DOCK7: variants seen among roughly 807,000 people sequenced by gnomAD.
The protein encoded by DOCK7 is dedicator of cytokinesis protein 7.
DOCK7 carries 138 observed loss-of-function variants against 271.0 expected under a neutral mutation model. That is an observed-to-expected ratio of 0.51 (90% CI 0.44 to 0.59). The LOEUF (loss-of-function observed/expected upper bound fraction) is 0.59. Ranked by LOEUF, DOCK7 falls within the 20% of genes least tolerant of loss-of-function variation. The pLI, the probability that DOCK7 is intolerant of heterozygous loss-of-function variation, is 0.00. For missense variants in DOCK7, 2,066 were observed against 2,592.4 expected (o/e 0.80, Z 4.41); for synonymous variants, 823 against 876.1 (o/e 0.94, Z 1.07).
At position 62,583,232 on chromosome 1, in the gene DOCK7, C is replaced by T; in HGVS notation, c.1823G>A (p.Cys608Tyr). The change falls in exon 16 of 50, where the codon TGT becomes TAT. Residue 608 changes from cysteine to tyrosine, a missense_variant. Around this residue, in one of 2 missense-constraint regions of DOCK7, gnomAD observed 1,414 missense variants for 1,670.4 expected, o/e 0.85. Coordinates refer to ENST00000635253, the MANE Select transcript of DOCK7 (RefSeq NM_001367561.1). ...ATAGGCTTCCTTTGAAAATTCTGAA[C>T]AGCTAGATTTACCAAAGATTACCTG... is the stretch of plus-strand genomic sequence containing the variant. Reference protein sequence around the residue: ...AMPVIFGKSSCSEFSKEAYTA... With the variant: ...AMPVIFGKSSYSEFSKEAYTA... 5 of 1,613,128 alleles carry T rather than the reference C, an allele frequency of 3.1e-6. No individual in the cohort carries two copies. The highest frequency in any genetic ancestry group is 4.2e-6 in the Non-Finnish European group (5 of 1,179,460).
intron 48 of DOCK7, among the ~76,000 whole-genome samples, chr1:62,466,840 G>C (rs1246658251): frequency 6.6e-6 from 1 of 151,986 alleles, no homozygotes; most frequent in Non-Finnish European, 1.5e-5. Context: ...AGAATCACTT[G>C]AACCCGGGAG....
chr1:62,598,017 A>G (rs72649574), intron 14 of DOCK7: 489 of 1,576,014 alleles, frequency 3.1e-4, no homozygotes, highest in Non-Finnish European at 3.0e-4. Flanking sequence ...CTTAATTCAA[A>G]ATCAACCTGA....
At chr1:62,581,392 A>C (rs1418597988) in intron 16 of DOCK7, among the ~76,000 whole-genome samples, 2 of 152,220 alleles carry the variant, frequency 1.3e-5, no homozygotes, top group Non-Finnish European at 2.9e-5. Flanking sequence ...ATTTTGCGCC[A>C]GAGTAACTGG....
chr1:62,523,744 A>G (rs908852545), intron 31 of DOCK7, among the ~76,000 whole-genome samples: 1 of 151,954 alleles, frequency 6.6e-6, no homozygotes, highest in African/African-American at 2.4e-5. Context: ...GCGGGTGCCT[A>G]TAGTCCCAGC....
chr1:62,624,061 T>A (rs982223801), intron 12 of DOCK7, among the ~76,000 whole-genome samples: 3 of 152,206 alleles, frequency 2.0e-5, no homozygotes, highest in African/African-American at 7.2e-5. Context: ...AAACATGTAC[T>A]ACTCCAGTTT....
chr1:62,534,224 TCCTGA>T (rs1359262205), intron 29 of DOCK7, among the ~76,000 whole-genome samples: 5 of 152,080 alleles, frequency 3.3e-5, no homozygotes, highest in Admixed American at 6.6e-5. Flanking sequence ...GGTCTCGAAC[TCCTGA>T]CCTCAAGTGA....
chr1:62,561,903 G>A (rs1355367605), intron 18 of DOCK7, among the ~76,000 whole-genome samples, 200 bp from the exon 19 acceptor site: 1 of 151,714 alleles, frequency 6.6e-6, no homozygotes, highest in Non-Finnish European at 1.5e-5. Context: ...AAAGTCTCCA[G>A]GAGCAACAAG....
intron 31 of DOCK7, among the ~76,000 whole-genome samples, chr1:62,524,953 A>ATATG (rs1325570197): frequency 1.7e-5 from 2 of 119,418 alleles, no homozygotes; most frequent in Admixed American, 1.8e-4. Context: ...ATATATATAT[A>ATATG]TATTACTATA....
chr1:62,533,312 T>A (rs895356302), intron 29 of DOCK7, among the ~76,000 whole-genome samples: 8 of 152,222 alleles, frequency 5.3e-5, no homozygotes, highest in African/African-American at 1.9e-4. Flanking sequence ...CAGGTTCACA[T>A]ACCAAGTAAA....
At chr1:62,598,730 A>G (rs1649663588) in intron 14 of DOCK7, 1 of 1,611,188 alleles carries the variant, frequency 6.2e-7, no homozygotes, top group Admixed American at 1.7e-5. Flanking sequence ...AGCATCAAAG[A>G]CCTTCTCCAG....
At position 62,603,967 on chromosome 1, in the gene DOCK7, A is replaced by G. The variant is rs780152435; in HGVS notation, c.1682+14739T>C. 1.9e-6 allele frequency: 3 copies of G among 1,612,410 alleles called. No individual in the cohort carries two copies. The highest frequency in any genetic ancestry group is 2.5e-6 in the Non-Finnish European group (3 of 1,178,882). ...ACAGATTTTTAAAACTTTTCTTTTC[A>G]GGAGAATTTTGGTTGGGCCTAGAGA... On this transcript the variant is annotated intron_variant, in intron 14 of 49. Coordinates refer to ENST00000635253, the MANE Select transcript of DOCK7 (RefSeq NM_001367561.1).
intron 14 of DOCK7, among the ~76,000 whole-genome samples, chr1:62,591,183 T>A (rs568680296): frequency 6.6e-6 from 1 of 152,044 alleles, no homozygotes; most frequent in East Asian, 1.9e-4. Context: ...AAGAACAAGA[T>A]CATCATGTCT....
Position 62,474,100 on chromosome 1 carries a change from GA to G in DOCK7, c.6106-13del, listed in dbSNP as rs1171638857. ...ACTTCCAAAGGCCCCTGCAAAATAA[GA>G]AAATAAGAAGTGTGTTTTTTTGTTA... is the stretch of plus-strand genomic sequence containing the variant. On this transcript the variant is annotated splice_polypyrimidine_tract_variant and intron_variant, in intron 47 of 49. Coordinates refer to ENST00000635253, the MANE Select transcript of DOCK7 (RefSeq NM_001367561.1). The G allele has an allele frequency of 6.2e-7, 1 of 1,600,074 alleles. No homozygotes were observed. Among genetic ancestry groups the G allele is most frequent in the African/African-American group, 1.4e-5 (1 of 74,062 alleles).
chr1:62,504,675 A>G lies in DOCK7; in HGVS notation c.4719T>C (p.Ser1573=). Residue 1573 remains serine (S), a synonymous_variant, in exon 37 of 50, where the codon AGT becomes AGC. Coordinates refer to ENST00000635253, the MANE Select transcript of DOCK7 (RefSeq NM_001367561.1). ...GCCTCATTAGTAGGTAAAGGGAGGCACTGGCGTGTGACCGTATTGTACCGA... is the reference window on the plus strand; with the variant it reads ...GCCTCATTAGTAGGTAAAGGGAGGCGCTGGCGTGTGACCGTATTGTACCGA... ...SSIGTIRSHA[S]ASLYLLMRQN... is the part of the protein sequence containing the mutation. The G allele has an allele frequency of 6.2e-6, 10 of 1,614,078 alleles. No homozygotes were observed. The highest frequency in any genetic ancestry group is 7.6e-6 in the Non-Finnish European group (9 of 1,179,980).
intron 48 of DOCK7, among the ~76,000 whole-genome samples, chr1:62,462,133 G>A (rs1645548351): frequency 6.6e-6 from 1 of 151,364 alleles, no homozygotes; most frequent in South Asian, 2.1e-4. Flanking sequence ...ATTTTAAAAT[G>A]TACAAGACCT....
At chr1:62,644,059 G>T (rs1373462372) in intron 7 of DOCK7, among the ~76,000 whole-genome samples, 1 of 151,958 alleles carries the variant, frequency 6.6e-6, no homozygotes, top group Non-Finnish European at 1.5e-5. Flanking sequence ...GTCCTCTTCA[G>T]GTCTGCAGTT....
At chr1:62,622,296 T>G (rs536066550) in intron 12 of DOCK7, among the ~76,000 whole-genome samples, 1 of 152,294 alleles carries the variant, frequency 6.6e-6, no homozygotes, top group African/African-American at 2.4e-5. Flanking sequence ...GCTGATACCC[T>G]TTCCTCTACA....
At chr1:62,464,680 C>A (rs1471766477) in intron 48 of DOCK7, among the ~76,000 whole-genome samples, 1 of 151,584 alleles carries the variant, frequency 6.6e-6, no homozygotes, top group Non-Finnish European at 1.5e-5. Context: ...AGAATCCATC[C>A]CCCCTAAACA....
At chr1:62,551,576 G>A in intron 22 of DOCK7, among the ~76,000 whole-genome samples, 1 of 151,382 alleles carries the variant, frequency 6.6e-6, no homozygotes, top group Non-Finnish European at 1.5e-5. Flanking sequence ...AAAAATGAAG[G>A]GTAGCTATAA....
Sources: gnomAD v4.1 joint callset for allele counts (sites outside exome capture counted in the v4.1 genomes callset) on GRCh38, gnomAD v4.1.1 for gene constraint, gnomAD v4.1.1 regional missense constraint, MANE v1.5 for transcripts, NCBI Gene and HGNC (gene_info 2026-07-23, HGNC 2026-07-21) for gene names.